Variants in OVCH1 observed in about 807,000 individuals in gnomAD.
OVCH1 encodes the protein ovochymase-1.
In OVCH1, 139 loss-of-function variants were observed where a neutral mutation model predicts 138.4. The ratio of observed to expected loss-of-function variants is 1.00; its 90% CI spans 0.87 to 1.16. The LOEUF (loss-of-function observed/expected upper bound fraction) is 1.16, where lower values mean the gene tolerates loss of function less well. OVCH1 is among the 50% of genes most tolerant of loss of function. The probability of loss-of-function intolerance (pLI) is 0.00; values close to 1 mark genes in which losing one functional copy is unlikely to be tolerated. For synonymous variants in OVCH1, 453 were observed against 467.8 expected, an observed-to-expected ratio of 0.97 and a Z score of 0.41; for missense variants, 1,367 against 1,357.9, an observed-to-expected ratio of 1.01 and a Z score of -0.11.
intron 5 of OVCH1, 31 bp from the exon 6 acceptor site, chr12:29,489,802 CAA>C: frequency 1.3e-6 from 2 of 1,591,184 alleles, no homozygotes; most frequent in Non-Finnish European, 1.7e-6. Context: ...AGTTAGCACA[CAA>C]TATCCTCATG....
Position 29,454,866 on chromosome 12 carries a change from A to G in OVCH1, c.2505T>C (p.Pro835=), listed in dbSNP as rs768670608. 3 of 1,611,830 alleles carry G rather than the reference A, an allele frequency of 1.9e-6. No individual in the cohort carries two copies. The South Asian group carries it at 3.3e-5, about 18-fold the overall frequency. The change falls in exon 21 of 28, where the codon CCT becomes CCC. Residue 835 remains proline, a synonymous_variant. Coordinates refer to ENST00000318184, the Ensembl canonical transcript of OVCH1. ...CTGGCCAAGATGCACTGTCTGGTGA[A>G]GGTGTGGGTGGTGGCAATTGTTGTT...
the OVCH1 span, among the ~76,000 whole-genome samples, chr12:29,405,900 A>G: frequency 6.6e-6 from 1 of 152,202 alleles, no homozygotes; most frequent in Non-Finnish European, 1.5e-5. Flanking sequence ...GATTTACTCT[A>G]GTCTATTGGA....
intron 22 of OVCH1, among the ~76,000 whole-genome samples, chr12:29,449,936 G>T (rs540970458): frequency 6.6e-6 from 1 of 152,242 alleles, no homozygotes; most frequent in East Asian, 1.9e-4. Flanking sequence ...TTTAATAAAT[G>T]GTGCTGGGAA....
downstream of OVCH1, among the ~76,000 whole-genome samples, chr12:29,407,597 G>T (rs993153359): frequency 2.0e-5 from 3 of 151,646 alleles, no homozygotes; most frequent in Admixed American, 6.6e-5. Context: ...TGTCAGGTTT[G>T]TCAAAGATCA....
chr12:29,446,437 A>G (rs1296934022), intron 22 of OVCH1, among the ~76,000 whole-genome samples: 2 of 152,174 alleles, frequency 1.3e-5, no homozygotes, highest in East Asian at 3.8e-4. Flanking sequence ...GAAGAAATAT[A>G]GCATTTTATA....
intron 25 of OVCH1, among the ~76,000 whole-genome samples, chr12:29,442,751 C>A (rs1272789393): frequency 6.6e-6 from 1 of 151,610 alleles, no homozygotes; most frequent in Admixed American, 6.6e-5. Context: ...AAGAATAGAT[C>A]CATATACAAC....
chr12:29,434,083 C>G (rs959916275), intron 26 of OVCH1, among the ~76,000 whole-genome samples: 3 of 152,232 alleles, frequency 2.0e-5, no homozygotes, highest in African/African-American at 7.2e-5. Flanking sequence ...CTATTAGTGC[C>G]TTTGCTCAAA....
chr12:29,475,084 G>A (rs1470841298), exon 14 of OVCH1: 2 of 1,581,730 alleles, frequency 1.3e-6, no homozygotes, highest in Admixed American at 1.8e-5. Context: ...GGTAAATCTG[G>A]CCTTGAAGCC....
rs144382891 is a variant in OVCH1, at chr12:29,480,102, G to A, written c.996-1194C>T. On this transcript the variant is annotated intron_variant, in intron 8 of 27. Coordinates refer to ENST00000318184, the Ensembl canonical transcript of OVCH1. ...TTCCCAAAGTGCTGGGATTACAGGTGTGAGCCACCATGCCCAGCCGGAAAC... is the reference window on the plus strand; with the variant it reads ...TTCCCAAAGTGCTGGGATTACAGGTATGAGCCACCATGCCCAGCCGGAAAC... Among the ~76,000 whole-genome samples, 558 of 152,160 alleles carry A rather than the reference G, an allele frequency of 3.7e-3. 6 individuals are homozygous for A. The highest frequency in any genetic ancestry group is 0.013 in the African/African-American group (535 of 41,518).
chr12:29,463,491 G>A (rs146641955), intron 18 of OVCH1, among the ~76,000 whole-genome samples: 1 of 152,258 alleles, frequency 6.6e-6, no homozygotes, highest in East Asian at 1.9e-4. Flanking sequence ...GGGAAATTAT[G>A]TGGAAGAGGT....
At chr12:29,443,382 C>T in exon 25 of OVCH1, 4 of 1,609,794 alleles carry the variant, frequency 2.5e-6, no homozygotes, top group African/African-American at 1.3e-5. Context: ...TTTCCTGGTC[C>T]AAATCCTTCG....
At chr12:29,485,969 A>AAAAT (rs60243865) in intron 8 of OVCH1, among the ~76,000 whole-genome samples, 1,578 of 136,302 alleles carry the variant, frequency 0.012, 14 homozygotes, top group Admixed American at 0.025. Flanking sequence ...AAAATAAAAT[A>AAAAT]AAATAAATAA....
rs538624379 is a variant in OVCH1, at chr12:29,481,624, C to T, written c.996-2716G>A. Among the ~76,000 whole-genome samples the T allele has an allele frequency of 4.2e-4, 64 of 152,214 alleles. 4 individuals are homozygous for T. In the South Asian group the frequency reaches 0.013, roughly 31 times the overall value. ...TTCTGCCCTCTTTTCAATGCCAAAC[C>T]TTCTTTATTTGTTGTGTTCTCAGAA... On this transcript the variant is annotated intron_variant, in intron 8 of 27. Coordinates refer to ENST00000318184, the Ensembl canonical transcript of OVCH1.
At chr12:29,407,575 A>C (rs924457196), downstream of OVCH1, among the ~76,000 whole-genome samples, 1 of 151,010 alleles carries the variant, frequency 6.6e-6, no homozygotes, top group African/African-American at 2.4e-5. Context: ...TCCGTTCCCC[A>C]TTGCTTGTTT....
At chr12:29,446,799 A>G (rs1025788965) in intron 22 of OVCH1, among the ~76,000 whole-genome samples, 7 of 152,048 alleles carry the variant, frequency 4.6e-5, no homozygotes, top group Non-Finnish European at 1.0e-4. Context: ...GAGAAAATAT[A>G]TTTCAGCATG....
chr12:29,433,909 A>G lies in OVCH1; in HGVS notation c.3265-96T>C, dbSNP rs561813385. The G allele has an allele frequency of 3.7e-4, 401 of 1,084,730 alleles. 3 individuals are homozygous for G. In the African/African-American group the frequency reaches 6.2e-3, roughly 17 times the overall value. 67.2% of individuals were successfully genotyped at this position (1,084,730 alleles called of 1,614,324 possible). A position where few individuals can be genotyped will look rare whatever the true frequency, so the allele number is the denominator to read the frequency against. Reference sequence around the variant, plus strand: ...AAAAGAAACAAAAGGTAAAATGGGCAGTAAAGCAAAGCCTGCTGGCTGATT... The same window carrying G: ...AAAAGAAACAAAAGGTAAAATGGGCGGTAAAGCAAAGCCTGCTGGCTGATT... On this transcript the variant is annotated intron_variant, in intron 26 of 27. Coordinates refer to ENST00000318184, the Ensembl canonical transcript of OVCH1.
intron 26 of OVCH1, among the ~76,000 whole-genome samples, chr12:29,436,888 G>A (rs1442490052): frequency 1.3e-5 from 2 of 152,188 alleles, no homozygotes; most frequent in African/African-American, 4.8e-5. Context: ...AAGAGCGAAA[G>A]AACAAAGCTT....
At chr12:29,416,247 G>T (rs1416702278) in intron 3 of OVCH1, among the ~76,000 whole-genome samples, 1 of 151,916 alleles carries the variant, frequency 6.6e-6, no homozygotes, top group African/African-American at 2.4e-5. Flanking sequence ...AAAATCTAGG[G>T]ATGGACAAAG....
chr12:29,451,660 G>T (rs1260961246), intron 21 of OVCH1, 91 bp from the exon 22 acceptor site: 24 of 1,007,402 alleles, frequency 2.4e-5, no homozygotes, highest in South Asian at 1.6e-5. Flanking sequence ...ATCTAGGCTT[G>T]CAAGGAGAAA....
Sources: allele counts gnomAD v4.1 joint callset (sites outside exome capture counted in the v4.1 genomes callset), GRCh38; gene constraint gnomAD v4.1.1; transcripts MANE v1.5; gene names NCBI Gene and HGNC (gene_info 2026-07-23, HGNC 2026-07-21).